The following RANBP2 variants were observed in gnomAD, a reference collection of about 807,000 sequenced individuals.
The protein encoded by RANBP2 is RAN binding protein 2.
A neutral mutation model predicts 303.6 loss-of-function variants in RANBP2; 57 were observed. That is an observed-to-expected ratio of 0.19 (90% CI 0.15 to 0.23). The LOEUF (loss-of-function observed/expected upper bound fraction) is 0.23. RANBP2 is among the 10% of genes least tolerant of loss of function. The pLI, the probability that RANBP2 is intolerant of heterozygous loss-of-function variation, is 1.00. For missense variants in RANBP2, 3,138 were observed against 3,780.8 expected (o/e 0.83, Z 4.46); for synonymous variants, 1,167 against 1,301.5 (o/e 0.90, Z 2.23).
At chr2:109,027,679 T>G in the RANBP2 span, among the ~76,000 whole-genome samples, 1 of 150,134 alleles carries the variant, frequency 6.7e-6, no homozygotes, top group Non-Finnish European at 1.5e-5. Context: ...TAAGCGTCGT[T>G]ATGACTATGG....
the RANBP2 span, among the ~76,000 whole-genome samples, chr2:108,973,406 T>C: frequency 6.6e-6 from 1 of 152,236 alleles, no homozygotes; most frequent in African/African-American, 2.4e-5. Context: ...CATCAGCCCC[T>C]GAGACCTGGG....
At chr2:109,653,739 G>A in the RANBP2 span, among the ~76,000 whole-genome samples, 7 of 152,080 alleles carry the variant, frequency 4.6e-5, no homozygotes, top group Non-Finnish European at 1.0e-4. Context: ...TTCCTTCCTT[G>A]ACAATATGCC....
At chr2:109,593,018 A>AT in the RANBP2 span, 10 of 1,424,782 alleles carry the variant, frequency 7.0e-6, no homozygotes, top group Non-Finnish European at 9.5e-6. Flanking sequence ...CATTTAGAGT[A>AT]CAATATGGTA....
the RANBP2 span, among the ~76,000 whole-genome samples, chr2:109,212,846 T>A: frequency 6.6e-6 from 1 of 150,726 alleles, no homozygotes; most frequent in Non-Finnish European, 1.5e-5. Context: ...GTAGGTGCCA[T>A]ACCAGGCTGG....
At chr2:109,170,194 C>T in the RANBP2 span, among the ~76,000 whole-genome samples, 3 of 151,920 alleles carry the variant, frequency 2.0e-5, no homozygotes, top group East Asian at 1.9e-4. Context: ...TGCAGATGAA[C>T]GAGATGTTTT....
the RANBP2 span, among the ~76,000 whole-genome samples, chr2:109,460,321 C>G: frequency 0.063 from 9,640 of 152,228 alleles, 326 homozygotes; most frequent in South Asian, 0.11. Context: ...TGGAGGTGGT[C>G]CAAGGTAGTC....
the RANBP2 span, among the ~76,000 whole-genome samples, chr2:108,948,958 A>G: frequency 1.3e-5 from 2 of 152,142 alleles, no homozygotes; most frequent in Non-Finnish European, 2.9e-5. Flanking sequence ...ATCACTAAAA[A>G]ACTTAAAAAA....
the RANBP2 span, among the ~76,000 whole-genome samples, chr2:109,357,222 C>T: frequency 1.3e-5 from 2 of 151,634 alleles, no homozygotes; most frequent in South Asian, 4.1e-4. Context: ...TACTCTGTCG[C>T]CCAGGCTGGA....
At chr2:109,295,532 G>T in the RANBP2 span, among the ~76,000 whole-genome samples, 1 of 152,248 alleles carries the variant, frequency 6.6e-6, no homozygotes, top group Non-Finnish European at 1.5e-5. Context: ...TTGTGAAGAA[G>T]GGGGCTTCAT....
chr2:109,241,873 C>T, the RANBP2 span, among the ~76,000 whole-genome samples: 1 of 151,706 alleles, frequency 6.6e-6, no homozygotes, highest in Non-Finnish European at 1.5e-5. Flanking sequence ...TCACGCCATT[C>T]TCCTGCCTCA....
the RANBP2 span, among the ~76,000 whole-genome samples, chr2:109,396,344 C>T: frequency 6.6e-6 from 1 of 152,224 alleles, no homozygotes; most frequent in African/African-American, 2.4e-5. Flanking sequence ...ATTTAGATCA[C>T]ACATGTTGGA....
the RANBP2 span, among the ~76,000 whole-genome samples, chr2:109,390,952 A>C: frequency 6.6e-6 from 1 of 152,162 alleles, no homozygotes; most frequent in Non-Finnish European, 1.5e-5. Context: ...AGGTTCCACA[A>C]ACTGATCTGC....
chr2:109,215,088 G>A, the RANBP2 span, among the ~76,000 whole-genome samples: 3 of 152,336 alleles, frequency 2.0e-5, no homozygotes, highest in African/African-American at 7.2e-5. Context: ...TAAACCTTCA[G>A]TGGGACGACT....
At position 108,783,622 on chromosome 2, in the gene RANBP2, A is replaced by G. The variant is rs1678413127; in HGVS notation, c.9396A>G (p.Gly3132=). The G allele has an allele frequency of 1.2e-6, 2 of 1,612,156 alleles. No individual in the cohort carries two copies. Among genetic ancestry groups the G allele is most frequent in the Admixed American group, 1.7e-5 (1 of 59,984 alleles). Residue 3132 remains glycine, a synonymous_variant, in exon 29 of 29, where the codon GGA becomes GGG. Transcript: ENST00000283195. ...GAGGAGATATCACCAAACATGATGG[A>G]ACAGGCGGACAGTCCATTTATGGAG... is the stretch of plus-strand genomic sequence containing the variant. ...CQGGDITKHD[G]TGGQSIYGDK... is the part of the protein sequence containing the mutation.
the RANBP2 span, chr2:108,798,479 C>T: frequency 7.4e-6 from 12 of 1,613,530 alleles, no homozygotes; most frequent in South Asian, 7.7e-5. Flanking sequence ...AAAGCGAGAA[C>T]GTTTTTTACT....
chr2:108,923,495 G>T, the RANBP2 span: 2 of 1,571,268 alleles, frequency 1.3e-6, no homozygotes, highest in Non-Finnish European at 1.8e-6. Flanking sequence ...AGGTGAGCTG[G>T]ACAGCACACA....
chr2:109,597,941 C>G, the RANBP2 span, among the ~76,000 whole-genome samples: 1 of 152,248 alleles, frequency 6.6e-6, no homozygotes, highest in African/African-American at 2.4e-5. Flanking sequence ...CCAACAGGCC[C>G]CTAGGTAACA....
the RANBP2 span, among the ~76,000 whole-genome samples, chr2:108,922,441 A>G: frequency 6.6e-6 from 1 of 152,180 alleles, no homozygotes; most frequent in African/African-American, 2.4e-5. Flanking sequence ...GGGCTCATGC[A>G]TTGCTCCTCC....
At chr2:109,555,489 G>C in the RANBP2 span, among the ~76,000 whole-genome samples, 6 of 152,274 alleles carry the variant, frequency 3.9e-5, 1 homozygote, top group African/African-American at 1.4e-4. Flanking sequence ...CAGGCCAAAA[G>C]AATGAGGGTC....
Sources: gnomAD v4.1 joint callset for allele counts (sites outside exome capture counted in the v4.1 genomes callset) on GRCh38, gnomAD v4.1.1 for gene constraint, MANE v1.5 for transcripts, NCBI Gene and HGNC (gene_info 2026-07-23, HGNC 2026-07-21) for gene names.